ATF6: variants seen among roughly 807,000 people sequenced by gnomAD.
ATF6 encodes the protein activating transcription factor 6, also known as cyclic AMP-dependent transcription factor ATF-6 alpha.
A neutral mutation model predicts 83.6 loss-of-function variants in ATF6; 53 were observed. That is an observed-to-expected ratio of 0.63 (90% CI 0.51 to 0.80). ATF6 has a LOEUF of 0.80. ATF6 is among the 30% of genes least tolerant of loss of function. The pLI, the probability that ATF6 is intolerant of heterozygous loss-of-function variation, is 0.00. For synonymous variants in ATF6, 288 were observed against 285.8 expected, an observed-to-expected ratio of 1.01 and a Z score of -0.08; for missense variants, 744 against 797.9, an observed-to-expected ratio of 0.93 and a Z score of 0.81.
rs766033042 is a variant in ATF6 at position 161,802,124 on chromosome 1, C to T, written c.761C>T (p.Pro254Leu). 1.8e-5 allele frequency: 29 copies of T among 1,613,980 alleles called. No individual in the cohort carries two copies. Among genetic ancestry groups the T allele is most frequent in the Admixed American group, 3.3e-5 (2 of 59,968 alleles). ...CCTGGAGTTCTGCCCTCTGCTCAGC[C>T]AGTCCTTGCTGTTGCTGGGGGAGTC... Reference protein sequence around the residue: ...QAPGVLPSAQPVLAVAGGVTQ... With the variant: ...QAPGVLPSAQLVLAVAGGVTQ... The change falls in exon 7 of 16, where the codon CCA (proline) becomes CTA (leucine). Residue 254 changes from proline (P) to leucine (L), a missense_variant. Physicochemically the swap from Pro to Leu is moderately conservative, Grantham distance 98. Coordinates refer to ENST00000367942, the MANE Select transcript of ATF6 (RefSeq NM_007348.4).
intron 7 of ATF6, among the ~76,000 whole-genome samples, chr1:161,817,447 A>C (rs1248502227): frequency 6.6e-6 from 1 of 152,188 alleles, no homozygotes; most frequent in Non-Finnish European, 1.5e-5. Context: ...CAATGTCCGG[A>C]GAATAGTTTG....
rs755680472 is a variant in ATF6, at chr1:161,802,182, A to G, written c.819A>G (p.Val273=). 173 of 1,614,102 alleles carry G rather than the reference A, an allele frequency of 1.1e-4. 2 individuals are homozygous for G. The South Asian group carries it at 1.5e-3, about 14-fold the overall frequency. ...TQLPNHVVNV[V]PAPSANSPVN... is the part of the protein sequence containing the mutation. ...TCCCTAATCACGTGGTGAATGTGGT[A>G]CCAGCCCCTTCAGCGAATAGCCCAG... Residue 273 remains valine (V), a synonymous_variant, in exon 7 of 16, where the codon GTA becomes GTG. Transcript: ENST00000367942.
At chr1:161,772,801 C>G (rs947164644) in intron 1 of ATF6, among the ~76,000 whole-genome samples, 1 of 151,382 alleles carries the variant, frequency 6.6e-6, no homozygotes, top group Non-Finnish European at 1.5e-5. Context: ...TCAAAACTCT[C>G]TTCAGATGTT....
In ATF6 at chr1:161,963,094, A is replaced by G. The variant is rs554344639; in HGVS notation, c.*4440A>G. 3.1e-3 allele frequency: 478 copies of G among 152,322 alleles called. 2 individuals are homozygous for G. Among genetic ancestry groups the G allele is most frequent in the African/African-American group, 0.011 (457 of 41,570 alleles). The allele number at this position is 152,322 out of a possible 1,614,324, so 9.4% of individuals were successfully genotyped here. A position where few individuals can be genotyped will look rare whatever the true frequency, so the allele number is the denominator to read the frequency against. ...GATTTTTAATTTCCTAGGAAACAATACTAGACTACCCAAAAAGATGTTGCC... is the reference window on the plus strand; with the variant it reads ...GATTTTTAATTTCCTAGGAAACAATGCTAGACTACCCAAAAAGATGTTGCC... On this transcript the variant is annotated 3_prime_UTR_variant, in exon 16 of 16. Transcript: ENST00000367942.
chr1:161,916,672 T>A (rs1688107965), intron 15 of ATF6, among the ~76,000 whole-genome samples: 1 of 152,212 alleles, frequency 6.6e-6, no homozygotes, highest in Non-Finnish European at 1.5e-5. Context: ...CTCTTTGGTT[T>A]CCTTTAATCT....
chr1:161,796,606 C>T (rs1685027196), intron 6 of ATF6, among the ~76,000 whole-genome samples: 1 of 152,192 alleles, frequency 6.6e-6, no homozygotes, highest in Non-Finnish European at 1.5e-5. Context: ...ATACTTCTGA[C>T]TAATAAACTC....
intron 7 of ATF6, among the ~76,000 whole-genome samples, chr1:161,812,635 A>C (rs1034187613): frequency 6.6e-6 from 1 of 150,970 alleles, no homozygotes; most frequent in African/African-American, 2.4e-5. Flanking sequence ...CTCGTGATCC[A>C]CCCGCCTCGG....
chr1:161,895,700 G>A (rs952538189), intron 14 of ATF6, among the ~76,000 whole-genome samples: 1 of 152,148 alleles, frequency 6.6e-6, no homozygotes, highest in Non-Finnish European at 1.5e-5. Flanking sequence ...TTAGGTTGGG[G>A]CTTCATAATA....
At chr1:161,799,972 A>G (rs931152487) in intron 6 of ATF6, among the ~76,000 whole-genome samples, 1 of 152,150 alleles carries the variant, frequency 6.6e-6, no homozygotes, top group Non-Finnish European at 1.5e-5. Flanking sequence ...AATTTACATG[A>G]TATTTTAGTT....
intron 9 of ATF6, among the ~76,000 whole-genome samples, chr1:161,842,912 C>G (rs1330610395): frequency 1.3e-5 from 2 of 152,188 alleles, no homozygotes; most frequent in African/African-American, 4.8e-5. Context: ...ATATGGCAGG[C>G]TTGCTGAGAG....
chr1:161,846,875 A>T (rs997551188), intron 10 of ATF6, among the ~76,000 whole-genome samples: 1 of 151,712 alleles, frequency 6.6e-6, no homozygotes, highest in Non-Finnish European at 1.5e-5. Flanking sequence ...TTTAATAATT[A>T]TTTTATCTAT....
chr1:161,821,072 C>A lies in ATF6; in HGVS notation c.1098C>A (p.Asn366Lys), dbSNP rs1240780373. The A allele has an allele frequency of 1.2e-6, 2 of 1,603,822 alleles. No homozygotes were observed. Among genetic ancestry groups the A allele is most frequent in the African/African-American group, 2.7e-5 (2 of 74,354 alleles). Residue 366 changes from asparagine to lysine, a missense_variant and splice_region_variant, in exon 9 of 16, where the codon AAC (asparagine) becomes AAA (lysine). Coordinates refer to ENST00000367942, the MANE Select transcript of ATF6 (RefSeq NM_007348.4). The part of the protein sequence containing the change: ...KRQLDEVVSE[N>K]QRLKVPSPKR... The stretch of plus-strand genomic sequence containing the variant: ...TTTAATGTGGTCATTTCCTTTAGAA[C>A]CAGAGGCTTAAAGTCCCTAGTCCAA...
chr1:161,935,135 C>T (rs746552279), intron 15 of ATF6, among the ~76,000 whole-genome samples: 1 of 152,152 alleles, frequency 6.6e-6, no homozygotes, highest in Non-Finnish European at 1.5e-5. Context: ...AATAAGAATG[C>T]CCTAATCCTC....
chr1:161,956,018 A>G (rs1368955256), intron 15 of ATF6, among the ~76,000 whole-genome samples: 1 of 152,132 alleles, frequency 6.6e-6, no homozygotes, highest in Non-Finnish European at 1.5e-5. Flanking sequence ...CATTTCCCTC[A>G]AAGCATCTGA....
At chr1:161,775,664 C>A (rs1684499237) in intron 1 of ATF6, among the ~76,000 whole-genome samples, 1 of 152,086 alleles carries the variant, frequency 6.6e-6, no homozygotes, top group Non-Finnish European at 1.5e-5. Context: ...ATATTCCTGT[C>A]ATTTGCTGAG....
At chr1:161,830,558 C>T (rs1469973293) in intron 9 of ATF6, among the ~76,000 whole-genome samples, 14 of 152,272 alleles carry the variant, frequency 9.2e-5, no homozygotes, top group African/African-American at 3.4e-4. Context: ...TACTACAAGG[C>T]TACAGTAACC....
intron 9 of ATF6, among the ~76,000 whole-genome samples, chr1:161,845,188 C>T (rs551404088): frequency 6.6e-6 from 1 of 152,166 alleles, no homozygotes; most frequent in African/African-American, 2.4e-5. Context: ...CCCGTTTTCC[C>T]CCAACACTGA....
intron 10 of ATF6, among the ~76,000 whole-genome samples, chr1:161,848,272 A>C (rs1011195191): frequency 6.6e-6 from 1 of 152,154 alleles, no homozygotes; most frequent in Non-Finnish European, 1.5e-5. Flanking sequence ...AAAAGATACC[A>C]AAAAATGTTT....
rs1488796761 is a variant in ATF6 at position 161,791,455 on chromosome 1, A to T, written c.402A>T (p.Leu134Phe). The T allele has an allele frequency of 6.2e-7, 1 of 1,612,534 alleles. No individual in the cohort carries two copies. Among genetic ancestry groups the T allele is most frequent in the Non-Finnish European group, 8.5e-7 (1 of 1,179,582 alleles). Reference protein sequence around the residue: ...SSSSQMSPLSLYGENSNSLSS... With the variant: ...SSSSQMSPLSFYGENSNSLSS... ...GTTCTCAGATGTCTCCCCTTTCCTT[A>T]TATGGTGAAAACTCTAATAGTCTCT... The change falls in exon 5 of 16, where the codon TTA (leucine) becomes TTT (phenylalanine). Residue 134 changes from leucine (L) to phenylalanine (F), a missense_variant. By Grantham distance (22) the Leu-to-Phe change is conservative. Coordinates refer to ENST00000367942, the MANE Select transcript of ATF6 (RefSeq NM_007348.4).
Sources: allele counts gnomAD v4.1 joint callset (sites outside exome capture counted in the v4.1 genomes callset), GRCh38; gene constraint gnomAD v4.1.1; transcripts MANE v1.5; gene names NCBI Gene and HGNC (gene_info 2026-07-23, HGNC 2026-07-21).